The following ZBTB7C variants were observed in gnomAD, a reference collection of about 807,000 sequenced individuals.
The protein encoded by ZBTB7C is zinc finger and BTB domain containing 7C.
Under a neutral mutation model 25.7 loss-of-function variants are expected in ZBTB7C, and 8 were observed. The ratio of observed to expected loss-of-function variants is 0.31; its 90% CI spans 0.18 to 0.56. The LOEUF is 0.56. Among genes scored for constraint, ZBTB7C ranks in the 20% least tolerant of loss-of-function variants. The probability of loss-of-function intolerance (pLI) is 0.91; values close to 1 mark genes in which losing one functional copy is unlikely to be tolerated. For synonymous variants in ZBTB7C, 394 were observed against 369.0 expected, an observed-to-expected ratio of 1.07 and a Z score of -0.78; for missense variants, 824 against 855.2, an observed-to-expected ratio of 0.96 and a Z score of 0.46.
chr18:48,330,696 T>C (rs2046324471), intron 2 of ZBTB7C, among the ~76,000 whole-genome samples: 2 of 143,590 alleles, frequency 1.4e-5, no homozygotes, highest in South Asian at 4.6e-4. Context: ...ACTGAGTGAG[T>C]GTGGGCAGGA....
rs2035555484 is a variant in ZBTB7C, at chr18:48,027,274, GA to G, written c.*1985del. On this transcript the variant is annotated 3_prime_UTR_variant, in exon 5 of 5. Transcript: ENST00000590800. ...AACAGAAAGAACTAACCAGTCATCT[GA>G]AAAATTGAGTTTATAAGAAGTCATC... The G allele has an allele frequency of 6.6e-6, 1 of 151,056 alleles. No individual in the cohort carries two copies. The highest frequency in any genetic ancestry group is 1.9e-4 in the East Asian group (1 of 5,166). 9.4% of individuals were successfully genotyped at this position (151,056 alleles called of 1,614,324 possible).
intron 2 of ZBTB7C, among the ~76,000 whole-genome samples, chr18:48,245,042 C>T (rs2043635009): frequency 6.8e-6 from 1 of 147,612 alleles, no homozygotes; most frequent in South Asian, 2.1e-4. Context: ...ACGGAACCAA[C>T]CCAAATGCCC....
intron 2 of ZBTB7C, among the ~76,000 whole-genome samples, chr18:48,211,522 T>C (rs2042701838): frequency 6.6e-6 from 1 of 152,254 alleles, no homozygotes; most frequent in Middle Eastern, 3.4e-3. Flanking sequence ...AGTAGACAAA[T>C]GATTTGAACA....
Position 48,029,653 on chromosome 18 carries a change from GGCGGCCCTCCACGCAGCAGGCTT to G in ZBTB7C, c.1444_1466del (p.Lys482GlnfsTer78). 3.2e-6 allele frequency: 5 copies of G among 1,552,828 alleles called. No individual in the cohort carries two copies. Among genetic ancestry groups the G allele is most frequent in the Non-Finnish European group, 4.3e-6 (5 of 1,155,660 alleles). ...GGCCGCCGGGCCCGAAGAGCAGGCTGGCGGCCCTCCACGCAGCAGGCTTGCGGCCGCGTCGGGGCCGTGCCATG... is the reference window on the plus strand; with the variant it reads ...GGCCGCCGGGCCCGAAGAGCAGGCTGGCGGCCGCGTCGGGGCCGTGCCATG... On this transcript the variant is annotated frameshift_variant, in exon 5 of 5. Transcript: ENST00000590800. LOFTEE classifies it low-confidence loss of function (END_TRUNC).
At chr18:48,159,287 T>C (rs1404703496) in intron 3 of ZBTB7C, among the ~76,000 whole-genome samples, 1 of 152,154 alleles carries the variant, frequency 6.6e-6, no homozygotes, top group Non-Finnish European at 1.5e-5. Flanking sequence ...GGTGGTCTTC[T>C]ACTTAATCAA....
At chr18:48,080,511 G>T (rs923859464) in intron 3 of ZBTB7C, among the ~76,000 whole-genome samples, 1 of 152,180 alleles carries the variant, frequency 6.6e-6, no homozygotes, top group Non-Finnish European at 1.5e-5. Context: ...CAATTCCTAG[G>T]CATCCTTCTA....
intron 2 of ZBTB7C, among the ~76,000 whole-genome samples, chr18:48,251,768 C>T (rs974983432): frequency 6.6e-6 from 1 of 152,192 alleles, no homozygotes; most frequent in Non-Finnish European, 1.5e-5. Flanking sequence ...TGACCAATCT[C>T]TGCGGCCCTA....
rs569568780 is a variant in ZBTB7C at position 48,390,317 on chromosome 18, T to C, written c.-304+18909A>G. Among the ~76,000 whole-genome samples, 5 of 152,246 alleles carry C rather than the reference T, an allele frequency of 3.3e-5. No homozygotes were observed. In the South Asian group the frequency reaches 8.3e-4, roughly 25 times the overall value. On this transcript the variant is annotated intron_variant, in intron 1 of 4. Transcript: ENST00000590800. ...CCCAAAAGTATCATTTTTTGCTTAG[T>C]AATTTATTTTGATCATCTTTCCAAA...
At chr18:48,266,894 A>T (rs1034045764) in intron 2 of ZBTB7C, among the ~76,000 whole-genome samples, 1 of 152,138 alleles carries the variant, frequency 6.6e-6, no homozygotes, top group Non-Finnish European at 1.5e-5. Flanking sequence ...GGAATATTAT[A>T]AGATATGTGT....
intron 2 of ZBTB7C, chr18:48,252,044 C>T (rs747303251): frequency 3.9e-5 from 6 of 152,156 alleles, no homozygotes; most frequent in Non-Finnish European, 5.9e-5. Flanking sequence ...ATATTTTTAT[C>T]TAGCACTTAA....
intron 1 of ZBTB7C, among the ~76,000 whole-genome samples, chr18:48,400,670 G>A (rs1022569857): frequency 1.3e-5 from 2 of 152,196 alleles, no homozygotes; most frequent in African/African-American, 4.8e-5. Context: ...GGGCTACTGA[G>A]CACTTGAAGT....
intron 1 of ZBTB7C, among the ~76,000 whole-genome samples, chr18:48,365,285 T>C (rs1291766986): frequency 6.6e-6 from 1 of 152,264 alleles, no homozygotes; most frequent in Non-Finnish European, 1.5e-5. Context: ...TCAAAGGGTA[T>C]ATACACTGGC....
intron 3 of ZBTB7C, among the ~76,000 whole-genome samples, chr18:48,047,931 C>G (rs1432102197): frequency 6.6e-6 from 1 of 152,154 alleles, no homozygotes; most frequent in African/African-American, 2.4e-5. Flanking sequence ...CCATTGCCAC[C>G]CAGCCAGCCA....
chr18:48,127,440 G>A (rs1011615008), intron 3 of ZBTB7C, among the ~76,000 whole-genome samples: 57 of 152,194 alleles, frequency 3.7e-4, no homozygotes, highest in African/African-American at 1.3e-3. Context: ...GTCTTACCTG[G>A]CTAAATGGAT....
chr18:48,252,254 T>C (rs2043883287), intron 2 of ZBTB7C: 1 of 152,244 alleles, frequency 6.6e-6, no homozygotes. Flanking sequence ...TGTGTGGTTT[T>C]GGGAAAGTTT....
intron 3 of ZBTB7C, among the ~76,000 whole-genome samples, chr18:48,167,124 G>A (rs1409605943): frequency 6.6e-6 from 1 of 152,148 alleles, no homozygotes; most frequent in Non-Finnish European, 1.5e-5. Flanking sequence ...TTCCTTGGCC[G>A]GAGGCAATAT....
intron 1 of ZBTB7C, among the ~76,000 whole-genome samples, chr18:48,407,154 G>A (rs971236326): frequency 1.3e-5 from 2 of 152,176 alleles, no homozygotes; most frequent in Non-Finnish European, 2.9e-5. Context: ...ATCCACAACA[G>A]CACAGCATTT....
intron 1 of ZBTB7C, among the ~76,000 whole-genome samples, chr18:48,367,534 C>T (rs1003501207): frequency 5.3e-5 from 8 of 151,288 alleles, no homozygotes; most frequent in Admixed American, 1.3e-4. Flanking sequence ...AATATCAATG[C>T]GCACAGACAA....
At chr18:48,378,005 G>T (rs996566757) in intron 1 of ZBTB7C, among the ~76,000 whole-genome samples, 3 of 152,138 alleles carry the variant, frequency 2.0e-5, no homozygotes, top group Non-Finnish European at 4.4e-5. Flanking sequence ...TACAAAATTA[G>T]CCAGGCGTGG....
Sources: allele counts gnomAD v4.1 joint callset (sites outside exome capture counted in the v4.1 genomes callset), GRCh38; gene constraint gnomAD v4.1.1; transcripts MANE v1.5; gene names NCBI Gene and HGNC (gene_info 2026-07-23, HGNC 2026-07-21).